GRAMD2B: variants seen among roughly 807,000 people sequenced by gnomAD.
The protein encoded by GRAMD2B is GRAM domain containing 2B.
Under a neutral mutation model 59.2 loss-of-function variants are expected in GRAMD2B, and 41 were observed. The ratio of observed to expected loss-of-function variants is 0.69; its 90% CI spans 0.54 to 0.90. The LOEUF is 0.90. Ranked by LOEUF, GRAMD2B falls within the 40% of genes least tolerant of loss-of-function variation. The pLI is 0.00. For synonymous variants in GRAMD2B, 161 were observed against 182.7 expected (o/e 0.88, Z 0.96); for missense variants, 424 against 500.5 (o/e 0.85, Z 1.46).
At chr5:126,420,307 G>C (rs1419273519), upstream of GRAMD2B, among the ~76,000 whole-genome samples, 1 of 152,058 alleles carries the variant, frequency 6.6e-6, no homozygotes, top group Non-Finnish European at 1.5e-5. Context: ...TATCTGCCGT[G>C]CCTCTTGAAT....
At chr5:126,462,372 C>T (rs1435375344) in intron 1 of GRAMD2B, 21 of 982,332 alleles carry the variant, frequency 2.1e-5, no homozygotes, top group Non-Finnish European at 2.4e-5. Flanking sequence ...ACGCTGCTCA[C>T]TCAAACACAC....
chr5:126,484,553 G>A lies in GRAMD2B; in HGVS notation c.970+29G>A, dbSNP rs1359405287. 2.5e-6 allele frequency: 4 copies of A among 1,578,978 alleles called. No homozygotes were observed. In the African/African-American group the frequency reaches 5.5e-5, roughly 22 times the overall value. Reference sequence around the variant, plus strand: ...AGGAATGGATGTCTCAGGGGGGTGGGTTTAGAAGGATTGGAGATGTCTGTT... The same window carrying A: ...AGGAATGGATGTCTCAGGGGGGTGGATTTAGAAGGATTGGAGATGTCTGTT... On this transcript the variant is annotated intron_variant, in intron 10 of 13. Transcript: ENST00000285689.
chr5:126,477,307 G>A (rs1029978769), intron 5 of GRAMD2B, among the ~76,000 whole-genome samples: 1 of 152,234 alleles, frequency 6.6e-6, no homozygotes, highest in Non-Finnish European at 1.5e-5. Flanking sequence ...CATGCACCTA[G>A]AGACAGAGGA....
At chr5:126,413,890 T>C (rs1300879240) in intron 1 of GRAMD2B, among the ~76,000 whole-genome samples, 20 of 152,110 alleles carry the variant, frequency 1.3e-4, no homozygotes, top group Admixed American at 1.3e-3. Flanking sequence ...TTTTTCCCCA[T>C]AGATAAGAAA....
At chr5:126,471,547 G>C (rs1205787035) in intron 3 of GRAMD2B, among the ~76,000 whole-genome samples, 1 of 152,172 alleles carries the variant, frequency 6.6e-6, no homozygotes, top group African/African-American at 2.4e-5. Context: ...TGAAGTCTTT[G>C]TATGAAATCC....
intron 1 of GRAMD2B, among the ~76,000 whole-genome samples, chr5:126,451,956 C>G (rs899413566): frequency 6.6e-5 from 10 of 152,064 alleles, no homozygotes; most frequent in African/African-American, 1.9e-4. Flanking sequence ...GTGCCTGCTC[C>G]CCCTTCGCCT....
intron 4 of GRAMD2B, among the ~76,000 whole-genome samples, chr5:126,472,561 A>C (rs1175870619): frequency 6.6e-6 from 1 of 152,112 alleles, no homozygotes; most frequent in African/African-American, 2.4e-5. Context: ...TCCCTTCTTT[A>C]TTTATTGCTG....
At chr5:126,437,845 G>A (rs1762662792) in intron 1 of GRAMD2B, among the ~76,000 whole-genome samples, 1 of 152,156 alleles carries the variant, frequency 6.6e-6, no homozygotes. Flanking sequence ...GTAGCATGAT[G>A]AGCATGAGGG....
At chr5:126,382,840 G>GAACA (rs1580717656) in intron 1 of GRAMD2B, among the ~76,000 whole-genome samples, 1 of 152,134 alleles carries the variant, frequency 6.6e-6, no homozygotes, top group East Asian at 1.9e-4. Flanking sequence ...GGGAAGATCT[G>GAACA]GGGCTCAAGG....
chr5:126,399,486 C>A (rs1476411046), intron 1 of GRAMD2B, among the ~76,000 whole-genome samples: 4 of 152,102 alleles, frequency 2.6e-5, no homozygotes, highest in African/African-American at 4.8e-5. Flanking sequence ...AAGTGTTTGG[C>A]AGTTCCTCCC....
At chr5:126,400,409 C>T (rs933192686) in intron 1 of GRAMD2B, among the ~76,000 whole-genome samples, 1 of 152,026 alleles carries the variant, frequency 6.6e-6, no homozygotes, top group African/African-American at 2.4e-5. Flanking sequence ...TATCATGTAT[C>T]TATTAACAAA....
At chr5:126,488,675 A>T in intron 12 of GRAMD2B, 124 bp from the exon 13 acceptor site, 1 of 631,438 alleles carries the variant, frequency 1.6e-6, no homozygotes, top group Non-Finnish European at 2.8e-6. Flanking sequence ...TAATATTAAC[A>T]AATGAAATGT....
At chr5:126,450,724 A>G (rs1225552438) in intron 1 of GRAMD2B, among the ~76,000 whole-genome samples, 1 of 151,506 alleles carries the variant, frequency 6.6e-6, no homozygotes. Flanking sequence ...CGTCAGCTCA[A>G]AGGGGCCCAG....
chr5:126,415,924 T>C (rs979875456), intron 1 of GRAMD2B, among the ~76,000 whole-genome samples: 1 of 152,170 alleles, frequency 6.6e-6, no homozygotes, highest in African/African-American at 2.4e-5. Context: ...CATGATTCAA[T>C]ATTAACTACT....
intron 3 of GRAMD2B, 145 bp from the exon 4 acceptor site, chr5:126,472,093 A>C (rs1769700667): frequency 1.6e-6 from 1 of 619,914 alleles, no homozygotes; most frequent in African/African-American, 1.8e-5. Context: ...GTTTTACTGA[A>C]GGCTTGTGTC....
Position 126,396,699 on chromosome 5 carries a change from T to C in GRAMD2B, c.125+25132T>C, listed in dbSNP as rs115991172. Among the ~76,000 whole-genome samples the C allele has an allele frequency of 3.7e-3, 560 of 152,312 alleles. 5 individuals carry two copies. The highest frequency in any genetic ancestry group is 0.013 in the African/African-American group (520 of 41,568). On this transcript the variant is annotated intron_variant, in intron 1 of 8. Coordinates refer to the GRAMD2B transcript ENST00000506445. ...ATTCCTTTTGGTATATACCCAGTAA[T>C]GGATTGGTAGGTCGAATGGTATTTC...
At chr5:126,466,153 T>A (rs1309626488) in intron 2 of GRAMD2B, 4 of 1,310,030 alleles carry the variant, frequency 3.1e-6, no homozygotes, top group Non-Finnish European at 4.1e-6. Flanking sequence ...GATGGGTGAG[T>A]GCAGTTTATC....
intron 3 of GRAMD2B, 38 bp downstream of exon 3, chr5:126,469,826 G>C (rs773075335): frequency 6.8e-7 from 1 of 1,469,852 alleles, no homozygotes; most frequent in South Asian, 1.2e-5. Flanking sequence ...CTTAGAGGGT[G>C]ACAGGGCTAC....
At chr5:126,462,858 T>C (rs1350376179) in intron 1 of GRAMD2B, among the ~76,000 whole-genome samples, 4 of 152,166 alleles carry the variant, frequency 2.6e-5, no homozygotes, top group Non-Finnish European at 5.9e-5. Context: ...AAGACACAAG[T>C]TGAAGGAGAA....
Sources: gnomAD v4.1 joint callset for allele counts (sites outside exome capture counted in the v4.1 genomes callset) on GRCh38, gnomAD v4.1.1 for gene constraint, MANE v1.5 for transcripts, NCBI Gene and HGNC (gene_info 2026-07-23, HGNC 2026-07-21) for gene names.